Variants in DNAH6 observed in about 807,000 individuals in gnomAD.
DNAH6 encodes axonemal beta dynein heavy chain 6.
DNAH6 carries 340 observed loss-of-function variants against 491.4 expected under a neutral mutation model. That is an observed-to-expected ratio of 0.69 (90% confidence interval 0.63 to 0.76). The LOEUF (loss-of-function observed/expected upper bound fraction) is 0.76. DNAH6 is among the 30% of genes least tolerant of loss of function. The probability of loss-of-function intolerance (pLI) is 0.00; values close to 1 mark genes in which losing one functional copy is unlikely to be tolerated. For synonymous variants in DNAH6, 1,603 were observed against 1,686.1 expected, an observed-to-expected ratio of 0.95 and a Z score of 1.21; for missense variants, 4,443 against 4,972.2, an observed-to-expected ratio of 0.89 and a Z score of 3.20.
intron 63 of DNAH6, among the ~76,000 whole-genome samples, chr2:84,753,059 A>G (rs1380515764): frequency 6.6e-6 from 1 of 152,154 alleles, no homozygotes; most frequent in Non-Finnish European, 1.5e-5. Flanking sequence ...CACCCTCACA[A>G]CATTTGTTAT....
chr2:84,595,758 T>C lies in DNAH6; in HGVS notation c.2837T>C (p.Leu946Pro), dbSNP rs1684517678. ...CCACCCAACAGTGTAGTGCCCCAGC[T>C]CAAATACAAGGTGGAAAAAATGAAA... ...GLPPNSVVPQ[L>P]KYKVEKMKEK... The change falls in exon 18 of 77, where the codon CTC (leucine) becomes CCC (proline). Residue 946 changes from leucine (L) to proline (P), a missense_variant. Transcript: ENST00000389394. 1 of 1,548,118 alleles carries C rather than the reference T, an allele frequency of 6.5e-7. No individual in the cohort carries two copies. The highest frequency in any genetic ancestry group is 8.7e-7 in the Non-Finnish European group (1 of 1,145,980).
chr2:84,519,021 G>T (rs1170951199), intron 2 of DNAH6, among the ~76,000 whole-genome samples: 2 of 152,080 alleles, frequency 1.3e-5, no homozygotes, highest in Non-Finnish European at 2.9e-5. Context: ...CTCCAGCCTG[G>T]GTGACAGAGT....
intron 46 of DNAH6, among the ~76,000 whole-genome samples, chr2:84,695,109 CTA>C (rs1022037766): frequency 1.3e-5 from 2 of 151,958 alleles, no homozygotes; most frequent in African/African-American, 4.8e-5. Flanking sequence ...TTTTTAGTAT[CTA>C]TGACATGCAA....
chr2:84,582,720 G>A (rs918850228), intron 14 of DNAH6, among the ~76,000 whole-genome samples: 6 of 152,178 alleles, frequency 3.9e-5, no homozygotes, highest in African/African-American at 1.4e-4. Flanking sequence ...CCAAAGTGCT[G>A]GGATTACAGG....
chr2:84,650,416 C>T (rs1030595816), intron 33 of DNAH6, among the ~76,000 whole-genome samples: 7 of 151,912 alleles, frequency 4.6e-5, no homozygotes, highest in African/African-American at 1.7e-4. Flanking sequence ...TTCCTCTGTC[C>T]CTTCCATTTT....
intron 8 of DNAH6, 69 bp from the exon 9 acceptor site, chr2:84,549,820 A>G: frequency 9.0e-7 from 1 of 1,109,474 alleles, no homozygotes; most frequent in East Asian, 2.4e-5. Flanking sequence ...TATTTGCTTT[A>G]GAGACACTGT....
At chr2:84,699,243 T>C (rs1467558427) in intron 47 of DNAH6, among the ~76,000 whole-genome samples, 1 of 151,438 alleles carries the variant, frequency 6.6e-6, no homozygotes, top group Non-Finnish European at 1.5e-5. Context: ...GCTCTGCACC[T>C]GTACAACTGT....
chr2:84,495,765 A>G, the DNAH6 span, among the ~76,000 whole-genome samples: 67 of 152,206 alleles, frequency 4.4e-4, no homozygotes, highest in African/African-American at 1.5e-3. Flanking sequence ...GATATCACAA[A>G]CCCCTCAGAA....
chr2:84,769,170 G>T (rs904247099), intron 64 of DNAH6, among the ~76,000 whole-genome samples: 7 of 152,220 alleles, frequency 4.6e-5, no homozygotes, highest in Non-Finnish European at 1.0e-4. Flanking sequence ...GAGCCATGGG[G>T]ATGGCAGGAG....
At position 84,604,455 on chromosome 2, in the gene DNAH6, G is replaced by C. The variant is rs372076428; in HGVS notation, c.2985G>C (p.Arg995Ser). 2 of 1,551,804 alleles carry C rather than the reference G, an allele frequency of 1.3e-6. No individual in the cohort carries two copies. Among genetic ancestry groups the C allele is most frequent in the South Asian group, 2.4e-5 (2 of 84,058 alleles). Residue 995 changes from arginine to serine, a missense_variant, in exon 19 of 77, where the codon AGG (arginine) becomes AGC (serine). Arg to Ser is a moderately radical substitution (Grantham distance 110). Around this residue, in one of 3 missense-constraint regions of DNAH6, gnomAD observed 2,977 missense variants for 3,296.6 expected, o/e 0.90. Transcript: ENST00000389394. ...VDAEIPLTLERLSQLHVFDFG... is the reference protein window; with the variant it reads ...VDAEIPLTLESLSQLHVFDFG... ...CTGAAATTCCATTAACCTTGGAGAG[G>C]CTCTCCCAGTTGCATGTTTTTGACT...
At chr2:84,658,246 A>T (rs1220405386) in intron 35 of DNAH6, 46 bp from the exon 36 acceptor site, 2 of 1,300,388 alleles carry the variant, frequency 1.5e-6, no homozygotes, top group Non-Finnish European at 2.0e-6. Context: ...AAACTTAATT[A>T]TATATTTATC....
chr2:84,662,007 T>C (rs1691552062), intron 37 of DNAH6, among the ~76,000 whole-genome samples: 1 of 152,182 alleles, frequency 6.6e-6, no homozygotes. Flanking sequence ...GTACATGTTC[T>C]ATATTTTAAT....
chr2:84,816,105 G>A, intron 76 of DNAH6, 22 bp downstream of exon 76: 2 of 1,515,070 alleles, frequency 1.3e-6, no homozygotes, highest in Non-Finnish European at 1.8e-6. Flanking sequence ...CTTAAGATTA[G>A]TTCAAATAAT....
chr2:84,677,409 C>CTTAGCTAAG (rs1164389463), intron 41 of DNAH6, among the ~76,000 whole-genome samples: 5 of 152,164 alleles, frequency 3.3e-5, no homozygotes, highest in African/African-American at 1.2e-4. Flanking sequence ...TCTTAGGTCC[C>CTTAGCTAAG]TGCCACTTAG....
chr2:84,720,342 G>A (rs1036619322), intron 59 of DNAH6, among the ~76,000 whole-genome samples: 2 of 130,760 alleles, frequency 1.5e-5, no homozygotes, highest in East Asian at 2.4e-4. Context: ...GCAGTGGCGG[G>A]ATCTCGGCTC....
chr2:84,478,817 G>A, the DNAH6 span, among the ~76,000 whole-genome samples: 3 of 152,178 alleles, frequency 2.0e-5, no homozygotes, highest in Non-Finnish European at 4.4e-5. Context: ...TTCCTGCCCA[G>A]TATCCAGGAG....
At chr2:84,722,302 A>G (rs1211862813) in intron 59 of DNAH6, among the ~76,000 whole-genome samples, 1 of 152,066 alleles carries the variant, frequency 6.6e-6, no homozygotes, top group Non-Finnish European at 1.5e-5. Context: ...GAAGTTCGGG[A>G]GCAATTAGGA....
chr2:84,627,382 T>C (rs1687980720), intron 29 of DNAH6, among the ~76,000 whole-genome samples: 1 of 152,226 alleles, frequency 6.6e-6, no homozygotes, highest in Admixed American at 6.5e-5. Context: ...AAATATTCTG[T>C]CTTTACTGAG....
chr2:84,775,771 T>G (rs1056981797), intron 64 of DNAH6, among the ~76,000 whole-genome samples: 4 of 152,306 alleles, frequency 2.6e-5, no homozygotes, highest in African/African-American at 9.6e-5. Context: ...TTGATCCATT[T>G]CCTCTAGACT....
Sources: gnomAD v4.1 joint callset for allele counts (sites outside exome capture counted in the v4.1 genomes callset) on GRCh38, gnomAD v4.1.1 for gene constraint, gnomAD v4.1.1 regional missense constraint, MANE v1.5 for transcripts, NCBI Gene and HGNC (gene_info 2026-07-23, HGNC 2026-07-21) for gene names.